Variants in SPAG16 observed in about 807,000 individuals in gnomAD.
The protein encoded by SPAG16 is sperm-associated antigen 16 protein.
In SPAG16, 86 loss-of-function variants were observed where a neutral mutation model predicts 80.4. That is an observed-to-expected ratio of 1.07 (90% CI 0.90 to 1.28). SPAG16 has a LOEUF of 1.28. Ranked by LOEUF, SPAG16 falls within the 50% of genes most tolerant of loss-of-function variation. SPAG16 has a pLI of 0.00. For synonymous variants in SPAG16, 294 were observed against 265.9 expected, an observed-to-expected ratio of 1.11 and a Z score of -1.03; for missense variants, 870 against 765.3, an observed-to-expected ratio of 1.14 and a Z score of -1.61.
intron 10 of SPAG16, among the ~76,000 whole-genome samples, chr2:213,589,299 A>G (rs1161412201): frequency 6.6e-6 from 1 of 152,236 alleles, no homozygotes; most frequent in Non-Finnish European, 1.5e-5. Flanking sequence ...TATAACCAGA[A>G]GTATAAGCAT....
chr2:214,105,359 C>G (rs1365014223), intron 13 of SPAG16, among the ~76,000 whole-genome samples: 1 of 152,166 alleles, frequency 6.6e-6, no homozygotes, highest in Non-Finnish European at 1.5e-5. Context: ...CAGGCCCTTA[C>G]TCTGTGCTAG....
chr2:213,315,504 A>G (rs2063362483), intron 4 of SPAG16, among the ~76,000 whole-genome samples: 1 of 151,952 alleles, frequency 6.6e-6, no homozygotes, highest in Non-Finnish European at 1.5e-5. Context: ...CAGATGCACA[A>G]TATCTCACAT....
chr2:214,115,721 CA>C (rs2053898706), intron 14 of SPAG16, among the ~76,000 whole-genome samples: 1 of 151,700 alleles, frequency 6.6e-6, no homozygotes, highest in East Asian at 2.0e-4. Context: ...TACTAAAATA[CA>C]AAAAAATTAG....
chr2:213,950,702 C>CTTTTTTTTTTTTTTTTTTTTT (rs59353089), intron 12 of SPAG16, among the ~76,000 whole-genome samples: 1 of 99,726 alleles, frequency 1.0e-5, no homozygotes, highest in Non-Finnish European at 1.9e-5. Context: ...TTTTTTCTTT[C>CTTTTTTTTTTTTTTTTTTTTT]TTTTTTTTTT....
intron 15 of SPAG16, among the ~76,000 whole-genome samples, chr2:214,392,702 A>AT (rs1701160267): frequency 6.6e-6 from 1 of 151,626 alleles, no homozygotes; most frequent in Non-Finnish European, 1.5e-5. Flanking sequence ...ACAAAGGAAA[A>AT]AAAAAAAAAG....
chr2:214,192,163 A>G (rs11674546), intron 15 of SPAG16, among the ~76,000 whole-genome samples: 45,615 of 151,968 alleles, frequency 0.3, 8,541 homozygotes, highest in Non-Finnish European at 0.42. Flanking sequence ...AGAGGGCTTC[A>G]AGAAACGAAG....
intron 10 of SPAG16, among the ~76,000 whole-genome samples, chr2:213,619,521 T>C (rs1261439296): frequency 6.6e-6 from 1 of 152,002 alleles, no homozygotes; most frequent in African/African-American, 2.4e-5. Flanking sequence ...GAATAGACAT[T>C]CCTCAAAAGA....
At chr2:213,445,181 C>T (rs75715601) in intron 9 of SPAG16, among the ~76,000 whole-genome samples, 3,544 of 152,168 alleles carry the variant, frequency 0.023, 58 homozygotes, top group South Asian at 0.038. Flanking sequence ...AAATCTTCTG[C>T]GCAACAATGA....
intron 10 of SPAG16, among the ~76,000 whole-genome samples, chr2:213,585,230 T>G (rs1224372093): frequency 2.0e-5 from 3 of 151,752 alleles, no homozygotes; most frequent in Non-Finnish European, 4.4e-5. Flanking sequence ...CAATACCTTT[T>G]GAAGGATCCT....
intron 15 of SPAG16, among the ~76,000 whole-genome samples, chr2:214,271,098 A>C (rs1382848930): frequency 6.6e-6 from 1 of 152,190 alleles, no homozygotes; most frequent in Non-Finnish European, 1.5e-5. Flanking sequence ...TTTGAAGGGT[A>C]AAGTATAATT....
chr2:213,854,818 T>C (rs1173264745), intron 10 of SPAG16, among the ~76,000 whole-genome samples: 1 of 152,248 alleles, frequency 6.6e-6, no homozygotes, highest in Non-Finnish European at 1.5e-5. Context: ...CTACCCCATG[T>C]CATGCAAATG....
chr2:213,564,673 C>A (rs1421097863), intron 10 of SPAG16, among the ~76,000 whole-genome samples: 5 of 152,116 alleles, frequency 3.3e-5, no homozygotes, highest in African/African-American at 1.2e-4. Flanking sequence ...ATGTAAAAAC[C>A]ACCACCGCCT....
At chr2:214,284,797 CTG>C (rs34221048) in intron 15 of SPAG16, among the ~76,000 whole-genome samples, 5,246 of 149,790 alleles carry the variant, frequency 0.035, 216 homozygotes, top group African/African-American at 0.1. Context: ...ATATTTTACT[CTG>C]TGTGTGTGTG....
At chr2:213,979,544 G>A (rs2045590612) in intron 12 of SPAG16, among the ~76,000 whole-genome samples, 1 of 152,106 alleles carries the variant, frequency 6.6e-6, no homozygotes, top group African/African-American at 2.4e-5. Flanking sequence ...GCAGGATGGA[G>A]TGAGTGCAAG....
At chr2:213,661,074 T>G (rs889628271) in intron 10 of SPAG16, among the ~76,000 whole-genome samples, 3 of 152,182 alleles carry the variant, frequency 2.0e-5, no homozygotes, top group Admixed American at 1.3e-4. Context: ...CACTCCAACA[T>G]ATAGGTAGCC....
At chr2:213,928,302 C>T (rs2078586046) in intron 11 of SPAG16, among the ~76,000 whole-genome samples, 1 of 151,644 alleles carries the variant, frequency 6.6e-6, no homozygotes, top group African/African-American at 2.4e-5. Flanking sequence ...CCATGTTAGC[C>T]AGGATGGTCT....
In SPAG16 at chr2:214,061,341, A is replaced by T. The variant is rs73075056; in HGVS notation, c.1528-46855A>T. 5.9e-3 allele frequency among the ~76,000 whole-genome samples: 901 copies of T among 152,322 alleles called. 5 individuals carry two copies. Among genetic ancestry groups the T allele is most frequent in the African/African-American group, 0.021 (871 of 41,574 alleles). The stretch of plus-strand genomic sequence containing the variant: ...AGGGCACTAGGTTAGTACTCAGGAA[A>T]GTCTCATAATTTCATTTGGTGTATT... On this transcript the variant is annotated intron_variant, in intron 13 of 15. Coordinates refer to ENST00000331683, the MANE Select transcript of SPAG16 (RefSeq NM_024532.5).
intron 10 of SPAG16, among the ~76,000 whole-genome samples, chr2:213,585,359 C>G (rs1026916036): frequency 6.6e-6 from 1 of 151,294 alleles, no homozygotes; most frequent in Non-Finnish European, 1.5e-5. Flanking sequence ...TCACTGGAAC[C>G]TCTGCCTCCT....
chr2:213,414,814 A>C (rs1024452985), intron 9 of SPAG16, among the ~76,000 whole-genome samples: 2 of 152,230 alleles, frequency 1.3e-5, no homozygotes, highest in African/African-American at 4.8e-5. Context: ...TAAAGCTCTA[A>C]TTTGTCCCTT....
Sources: allele counts gnomAD v4.1 joint callset (sites outside exome capture counted in the v4.1 genomes callset), GRCh38; gene constraint gnomAD v4.1.1; transcripts MANE v1.5; gene names NCBI Gene and HGNC (gene_info 2026-07-23, HGNC 2026-07-21).